The following SNCAIP variants were observed in gnomAD, a reference collection of about 807,000 sequenced individuals.
SNCAIP encodes the protein synuclein alpha interacting protein.
A neutral mutation model predicts 86.7 loss-of-function variants in SNCAIP; 43 were observed. The observed-to-expected ratio is 0.50, with a 90% CI of 0.39 to 0.64. The LOEUF is 0.64. Ranked by LOEUF, SNCAIP falls within the 30% of genes least tolerant of loss-of-function variation. The pLI, the probability that SNCAIP is intolerant of heterozygous loss-of-function variation, is 0.00. For synonymous variants in SNCAIP, 417 were observed against 427.2 expected (o/e 0.98, Z 0.29); for missense variants, 981 against 1,103.1 (o/e 0.89, Z 1.57).
At chr5:122,325,086 T>C (rs898470464) in intron 1 of SNCAIP, among the ~76,000 whole-genome samples, 33 of 152,336 alleles carry the variant, frequency 2.2e-4, no homozygotes, top group African/African-American at 6.7e-4. Flanking sequence ...TCTTCCCTTT[T>C]TTTTATCAAC....
At chr5:122,353,916 A>G (rs1252885547) in intron 1 of SNCAIP, among the ~76,000 whole-genome samples, 1 of 152,198 alleles carries the variant, frequency 6.6e-6, no homozygotes, top group Non-Finnish European at 1.5e-5. Context: ...AGGTTTAACC[A>G]AATCACCACG....
chr5:122,441,629 G>A (rs978446650), intron 7 of SNCAIP, among the ~76,000 whole-genome samples: 5 of 152,148 alleles, frequency 3.3e-5, no homozygotes, highest in Non-Finnish European at 5.9e-5. Flanking sequence ...ACCCAGAGCT[G>A]CCATCCAAGT....
At chr5:122,359,764 A>G (rs940187420) in intron 1 of SNCAIP, among the ~76,000 whole-genome samples, 1 of 152,214 alleles carries the variant, frequency 6.6e-6, no homozygotes, top group Non-Finnish European at 1.5e-5. Context: ...TTAATAATAC[A>G]TTATGAGAGA....
At position 122,391,186 on chromosome 5, in the gene SNCAIP, A is replaced by C. The variant is rs758526218; in HGVS notation, c.52A>C (p.Ile18Leu). The C allele has an allele frequency of 1.2e-6, 2 of 1,603,684 alleles. No individual in the cohort carries two copies. Among genetic ancestry groups the C allele is most frequent in the Middle Eastern group, 3.3e-4 (2 of 6,044 alleles). Reference sequence around the variant, plus strand: ...GGATGAAATTGACTTTAGTGATGACATATCTGTAAGTACCACTGTATACAA... The same window carrying C: ...GGATGAAATTGACTTTAGTGATGACCTATCTGTAAGTACCACTGTATACAA... The part of the protein sequence containing the change: ...DLDEIDFSDD[I>L]SYSVTSLKTI... The change falls in exon 2 of 11, where the codon ATA (isoleucine) becomes CTA (leucine). Residue 18 changes from isoleucine (I) to leucine (L), a missense_variant. Physicochemically the swap from Ile to Leu is conservative, Grantham distance 5. Coordinates refer to ENST00000261368, the MANE Select transcript of SNCAIP (RefSeq NM_005460.4).
At chr5:122,406,260 AC>A (rs1772955487) in intron 3 of SNCAIP, among the ~76,000 whole-genome samples, 1 of 152,242 alleles carries the variant, frequency 6.6e-6, no homozygotes, top group Non-Finnish European at 1.5e-5. Context: ...TGTAGAAATA[AC>A]CCTCCTCCCC....
At chr5:122,330,130 T>C (rs1229025016) in intron 1 of SNCAIP, among the ~76,000 whole-genome samples, 2 of 133,844 alleles carry the variant, frequency 1.5e-5, no homozygotes, top group African/African-American at 5.7e-5. Context: ...TTTTTTTTTT[T>C]TTTTTTTTTG....
chr5:122,324,790 G>T (rs1753680784), intron 1 of SNCAIP, among the ~76,000 whole-genome samples: 1 of 152,190 alleles, frequency 6.6e-6, no homozygotes, highest in Non-Finnish European at 1.5e-5. Context: ...CAGAACATTT[G>T]ATTCTAGAAG....
intron 2 of SNCAIP, among the ~76,000 whole-genome samples, chr5:122,392,792 T>C (rs1263971208): frequency 6.6e-6 from 1 of 152,198 alleles, no homozygotes; most frequent in Admixed American, 6.5e-5. Flanking sequence ...TGTGAAACAC[T>C]TAGCTTGGCA....
chr5:122,399,491 A>T (rs577341010), intron 2 of SNCAIP, among the ~76,000 whole-genome samples: 7 of 152,296 alleles, frequency 4.6e-5, no homozygotes, highest in Admixed American at 4.6e-4. Context: ...AGAATTTTTA[A>T]ATATAAAATG....
intron 2 of SNCAIP, among the ~76,000 whole-genome samples, chr5:122,398,943 G>A (rs2152860323): frequency 6.6e-6 from 1 of 152,198 alleles, no homozygotes; most frequent in South Asian, 2.1e-4. Context: ...CGTAGGCTGG[G>A]ATGTATAGAA....
At chr5:122,342,606 C>A (rs1449690347) in intron 1 of SNCAIP, among the ~76,000 whole-genome samples, 2 of 152,158 alleles carry the variant, frequency 1.3e-5, no homozygotes, top group Non-Finnish European at 2.9e-5. Flanking sequence ...CCATTATCCC[C>A]AATTTACAGA....
rs960425355 is a variant in SNCAIP at position 122,319,115 on chromosome 5, T to C, written c.-47+6831T>C. On this transcript the variant is annotated intron_variant, in intron 1 of 10. Coordinates refer to ENST00000261368, the MANE Select transcript of SNCAIP (RefSeq NM_005460.4). ...GTTGAGGAGTAGAATAAAGCTTTGA[T>C]TGGGCTCTTCCCATTCATCTGTTAT... 4.6e-5 allele frequency among the ~76,000 whole-genome samples: 7 copies of C among 152,168 alleles called. No individual in the cohort carries two copies. The East Asian group carries it at 1.4e-3, about 29-fold the overall frequency.
At chr5:122,450,244 G>A (rs1424157252) in intron 9 of SNCAIP, among the ~76,000 whole-genome samples, 6 of 152,088 alleles carry the variant, frequency 3.9e-5, no homozygotes, top group Non-Finnish European at 7.4e-5. Context: ...TATATAGCTT[G>A]ATAAGTTTGT....
chr5:122,429,973 C>G (rs913729486), intron 5 of SNCAIP, among the ~76,000 whole-genome samples: 1 of 152,156 alleles, frequency 6.6e-6, no homozygotes, highest in African/African-American at 2.4e-5. Flanking sequence ...TGATCTGCCA[C>G]TGTCACCATC....
intron 8 of SNCAIP, among the ~76,000 whole-genome samples, chr5:122,447,908 T>G (rs1248781391): frequency 6.6e-6 from 1 of 152,238 alleles, no homozygotes; most frequent in Non-Finnish European, 1.5e-5. Flanking sequence ...GTTTGCTTGC[T>G]GGTTCCCATG....
chr5:122,323,722 C>T (rs1426555628), intron 1 of SNCAIP, among the ~76,000 whole-genome samples: 4 of 152,144 alleles, frequency 2.6e-5, no homozygotes, highest in African/African-American at 9.7e-5. Context: ...ATCTAATTAT[C>T]GTGAGGCTAA....
At chr5:122,314,919 A>G (rs1751396338) in intron 1 of SNCAIP, among the ~76,000 whole-genome samples, 2 of 152,226 alleles carry the variant, frequency 1.3e-5, no homozygotes, top group South Asian at 4.1e-4. Flanking sequence ...CGTAAGGAAC[A>G]TTTTCATAGG....
intron 1 of SNCAIP, among the ~76,000 whole-genome samples, chr5:122,332,322 T>C (rs931545200): frequency 1.3e-5 from 2 of 152,170 alleles, no homozygotes; most frequent in Admixed American, 6.5e-5. Context: ...TTACACATGG[T>C]GGAGTAAAGG....
At chr5:122,397,817 G>A (rs577286813) in intron 2 of SNCAIP, among the ~76,000 whole-genome samples, 56 of 152,100 alleles carry the variant, frequency 3.7e-4, no homozygotes, top group Non-Finnish European at 7.6e-4. Flanking sequence ...GGTGGGGTCT[G>A]GACAAAGGCA....
Sources: allele counts gnomAD v4.1 joint callset (sites outside exome capture counted in the v4.1 genomes callset), GRCh38; gene constraint gnomAD v4.1.1; transcripts MANE v1.5; gene names NCBI Gene and HGNC (gene_info 2026-07-23, HGNC 2026-07-21).